TMEM135: variants seen among roughly 807,000 people sequenced by gnomAD.
TMEM135 encodes the protein peroxisomal membrane protein 52.
A neutral mutation model predicts 60.3 loss-of-function variants in TMEM135; 30 were observed. The ratio of observed to expected loss-of-function variants is 0.50; its 90% CI spans 0.37 to 0.68. The LOEUF (loss-of-function observed/expected upper bound fraction) is 0.68. Among genes scored for constraint, TMEM135 ranks in the 30% least tolerant of loss-of-function variants. The probability of loss-of-function intolerance (pLI) is 0.00; values close to 1 mark genes in which losing one functional copy is unlikely to be tolerated. For missense variants in TMEM135, 468 were observed against 548.8 expected, an observed-to-expected ratio of 0.85 and a Z score of 1.47; for synonymous variants, 190 against 186.7, an observed-to-expected ratio of 1.02 and a Z score of -0.14.
chr11:87,222,181 CAAAAAAAAAAAAAAAA>C (rs386374401), intron 5 of TMEM135, among the ~76,000 whole-genome samples: 1 of 55,482 alleles, frequency 1.8e-5, no homozygotes, highest in African/African-American at 6.2e-5. Flanking sequence ...GACTCTGTCT[CAAAAAAAAAAAAAAAA>C]AAAAAAAATT....
intron 4 of TMEM135, among the ~76,000 whole-genome samples, chr11:87,098,623 A>C (rs1857384181): frequency 6.6e-6 from 1 of 152,116 alleles, no homozygotes; most frequent in Admixed American, 6.5e-5. Context: ...ACAACCTGAA[A>C]AGAATCTAAA....
intron 4 of TMEM135, among the ~76,000 whole-genome samples, chr11:87,101,401 A>G (rs1857453553): frequency 1.3e-5 from 2 of 152,214 alleles, no homozygotes. Context: ...ATATGCTGCT[A>G]ACATGTTTAA....
intron 6 of TMEM135, among the ~76,000 whole-genome samples, chr11:87,267,721 G>GTC (rs60792140): frequency 0.59 from 88,693 of 151,534 alleles, 26,161 homozygotes; most frequent in African/African-American, 0.63. Context: ...TTGAAATGGA[G>GTC]TCAGTCTGTT....
chr11:87,287,665 G>A (rs1310081761), intron 6 of TMEM135, among the ~76,000 whole-genome samples: 1 of 152,164 alleles, frequency 6.6e-6, no homozygotes, highest in Non-Finnish European at 1.5e-5. Context: ...GACAGAGTGA[G>A]ACTGCGTCTC....
intron 7 of TMEM135, among the ~76,000 whole-genome samples, chr11:87,296,341 T>G (rs1294023208): frequency 6.6e-6 from 1 of 152,230 alleles, no homozygotes; most frequent in East Asian, 1.9e-4. Flanking sequence ...ACCAAGAATT[T>G]TCTCATAGAT....
At position 87,316,489 on chromosome 11, in the gene TMEM135, G is replaced by A. The variant is rs539980706; in HGVS notation, c.1078-1648G>A. ...CAGTATTTAATTCACATTTTAAGAAGAACATTTTGGCCACTATTTTAGAGG... is the reference window on the plus strand; with the variant it reads ...CAGTATTTAATTCACATTTTAAGAAAAACATTTTGGCCACTATTTTAGAGG... On this transcript the variant is annotated intron_variant, in intron 12 of 14. Coordinates refer to ENST00000305494, the MANE Select transcript of TMEM135 (RefSeq NM_022918.4). Among the ~76,000 whole-genome samples the A allele has an allele frequency of 1.6e-4, 24 of 152,106 alleles. No homozygotes were observed. In the South Asian group the frequency reaches 4.1e-3, roughly 26 times the overall value.
chr11:87,071,699 AC>A, intron 3 of TMEM135, 84 bp downstream of exon 3: 1 of 884,970 alleles, frequency 1.1e-6, no homozygotes, highest in Non-Finnish European at 1.8e-6. Context: ...ATTATCACTT[AC>A]AGGGATGAGA....
At chr11:87,046,897 G>A (rs1159056097) in intron 1 of TMEM135, among the ~76,000 whole-genome samples, 1 of 152,210 alleles carries the variant, frequency 6.6e-6, no homozygotes, top group East Asian at 1.9e-4. Flanking sequence ...TTGAATCTCA[G>A]TCCTGCCACT....
intron 3 of TMEM135, among the ~76,000 whole-genome samples, chr11:87,074,081 T>G (rs1288689770): frequency 6.6e-6 from 1 of 152,136 alleles, no homozygotes; most frequent in African/African-American, 2.4e-5. Flanking sequence ...TTTTCCTGTC[T>G]CAGCCTCCCA....
At chr11:87,234,650 G>T (rs140430239) in intron 5 of TMEM135, among the ~76,000 whole-genome samples, 1 of 151,832 alleles carries the variant, frequency 6.6e-6, no homozygotes, top group Non-Finnish European at 1.5e-5. Flanking sequence ...TAAATAATTC[G>T]AAGTATGATA....
At chr11:87,055,907 A>T (rs1262218530) in intron 1 of TMEM135, among the ~76,000 whole-genome samples, 3 of 152,178 alleles carry the variant, frequency 2.0e-5, no homozygotes, top group Non-Finnish European at 2.9e-5. Flanking sequence ...GCAAGAAAGA[A>T]TTCAGGGCAA....
intron 3 of TMEM135, among the ~76,000 whole-genome samples, chr11:87,088,531 C>G (rs183418907): frequency 1.3e-5 from 2 of 152,124 alleles, no homozygotes; most frequent in African/African-American, 4.8e-5. Context: ...GAAAAACTTC[C>G]GTGACTCTGA....
intron 5 of TMEM135, among the ~76,000 whole-genome samples, chr11:87,167,705 T>G (rs1939097248): frequency 6.6e-6 from 1 of 152,180 alleles, no homozygotes; most frequent in African/African-American, 2.4e-5. Context: ...CTGGATTTGG[T>G]CTGCCAGTAT....
At chr11:87,042,720 G>A (rs201236980) in intron 1 of TMEM135, among the ~76,000 whole-genome samples, 2 of 151,316 alleles carry the variant, frequency 1.3e-5, no homozygotes, top group East Asian at 1.9e-4. Context: ...ATTATCATGT[G>A]TGTTGTACTA....
chr11:87,307,891 G>A (rs1942578889), intron 9 of TMEM135, among the ~76,000 whole-genome samples: 1 of 152,072 alleles, frequency 6.6e-6, no homozygotes, highest in Admixed American at 6.6e-5. Context: ...CCTTATACCT[G>A]CCAGCCTCTT....
chr11:87,077,907 T>C (rs972933979), intron 3 of TMEM135, among the ~76,000 whole-genome samples: 5 of 152,224 alleles, frequency 3.3e-5, no homozygotes, highest in African/African-American at 4.8e-5. Context: ...TTTGATGTCA[T>C]ACGTATCATT....
rs367985910 is a variant in TMEM135, at chr11:87,185,913, C to CTTTTTTTTTT, written c.462+28508_462+28517dup. Among the ~76,000 whole-genome samples, 333 of 138,848 alleles carry CTTTTTTTTTT rather than the reference C, an allele frequency of 2.4e-3. 9 individuals carry two copies. Among genetic ancestry groups the CTTTTTTTTTT allele is most frequent in the African/African-American group, 8.7e-3 (319 of 36,616 alleles). The allele number at this position is 138,848 out of a possible 152,430, so 91.1% of individuals were successfully genotyped here. A position where few individuals can be genotyped will look rare whatever the true frequency, so the allele number is the denominator to read the frequency against. ...GTTTCAATCTGTTGTAGTTATCCTT[C>CTTTTTTTTTT]TTTTTTTTTTGTGAGACAGAGGTTC... On this transcript the variant is annotated intron_variant, in intron 5 of 14. Coordinates refer to ENST00000305494, the MANE Select transcript of TMEM135 (RefSeq NM_022918.4).
intron 5 of TMEM135, among the ~76,000 whole-genome samples, chr11:87,180,504 G>A (rs1939488422): frequency 1.3e-5 from 2 of 152,130 alleles, no homozygotes; most frequent in Admixed American, 1.3e-4. Context: ...TGGAGAGGCA[G>A]TAGGTAGAGA....
chr11:87,283,333 CAAAAA>C (rs372137194), intron 6 of TMEM135, among the ~76,000 whole-genome samples: 5 of 96,196 alleles, frequency 5.2e-5, no homozygotes, highest in Admixed American at 2.1e-4. Flanking sequence ...AATTCCATCT[CAAAAA>C]AAAAAAAAGA....
Sources: allele counts gnomAD v4.1 joint callset (sites outside exome capture counted in the v4.1 genomes callset), GRCh38; gene constraint gnomAD v4.1.1; transcripts MANE v1.5; gene names NCBI Gene and HGNC (gene_info 2026-07-23, HGNC 2026-07-21).